The following RIMBP2 variants were observed in gnomAD, a reference collection of about 807,000 sequenced individuals.
The protein encoded by RIMBP2 is RIMS-binding protein 2.
A neutral mutation model predicts 118.6 loss-of-function variants in RIMBP2; 48 were observed. The ratio of observed to expected loss-of-function variants is 0.40; its 90% CI spans 0.32 to 0.51. The LOEUF (loss-of-function observed/expected upper bound fraction) is 0.51. Ranked by LOEUF, RIMBP2 falls within the 20% of genes least tolerant of loss-of-function variation. The pLI is 0.41. For missense variants in RIMBP2, 1,551 were observed against 1,768.3 expected, an observed-to-expected ratio of 0.88 and a Z score of 2.20; for synonymous variants, 762 against 742.9, an observed-to-expected ratio of 1.03 and a Z score of -0.42.
intron 4 of RIMBP2, among the ~76,000 whole-genome samples, chr12:130,493,430 T>C (rs2048833876): frequency 6.6e-6 from 1 of 152,098 alleles, no homozygotes; most frequent in Admixed American, 6.5e-5. Flanking sequence ...TTCTCATGCT[T>C]CAGCTTCCTG....
rs1466404450 is a variant in RIMBP2, at chr12:130,447,034, G to T, written c.582-1765C>A. 5.9e-5 allele frequency among the ~76,000 whole-genome samples: 9 copies of T among 151,764 alleles called. No homozygotes were observed. Among genetic ancestry groups the T allele is most frequent in the Non-Finnish European group, 8.8e-5 (6 of 67,940 alleles). On this transcript the variant is annotated intron_variant, in intron 9 of 22. Transcript: ENST00000690449. The surrounding 1 kb of genome is among the most constrained non-coding windows in gnomAD (Gnocchi z 4.4). ...GGGATCTGCAGGGGGGTCTGGATGGGTAGATGGCCGAGACACAGAAGCTGG... is the reference window on the plus strand; with the variant it reads ...GGGATCTGCAGGGGGGTCTGGATGGTTAGATGGCCGAGACACAGAAGCTGG...
At chr12:130,515,944 C>T (rs1487989890) in intron 3 of RIMBP2, among the ~76,000 whole-genome samples, 1 of 152,208 alleles carries the variant, frequency 6.6e-6, no homozygotes, top group Non-Finnish European at 1.5e-5. Flanking sequence ...GTGATCCACT[C>T]ACCTCAGCCT....
At chr12:130,435,050 C>CTTTTTTTTTTTTTTTT (rs375104659) in intron 13 of RIMBP2, among the ~76,000 whole-genome samples, 170 bp from the exon 14 acceptor site, 48 of 144,470 alleles carry the variant, frequency 3.3e-4, no homozygotes, top group African/African-American at 1.1e-3. Flanking sequence ...CCACCAGAAT[C>CTTTTTTTTTTTTTTTT]TTTTTTTTTT....
intron 6 of RIMBP2, among the ~76,000 whole-genome samples, chr12:130,457,446 C>T (rs1376820652): frequency 1.3e-5 from 2 of 152,202 alleles, no homozygotes; most frequent in Non-Finnish European, 2.9e-5. Flanking sequence ...CATCTCTGAC[C>T]CTTGTGGGCT....
intron 1 of RIMBP2, among the ~76,000 whole-genome samples, chr12:130,699,886 T>C (rs2065767227): frequency 8.0e-6 from 1 of 125,634 alleles, no homozygotes; most frequent in South Asian, 2.6e-4. Flanking sequence ...GCCTGGGTGA[T>C]GGTGTGAGAC....
At chr12:130,529,048 A>C (rs147123788) in intron 2 of RIMBP2, among the ~76,000 whole-genome samples, 1 of 152,202 alleles carries the variant, frequency 6.6e-6, no homozygotes, top group Non-Finnish European at 1.5e-5. Flanking sequence ...AAACAACCCA[A>C]GTGTCGATTG....
chr12:130,494,463 A>AC (rs1480498208), intron 4 of RIMBP2, among the ~76,000 whole-genome samples: 35 of 151,866 alleles, frequency 2.3e-4, no homozygotes, highest in Admixed American at 2.2e-3. Context: ...ACATGCTGAA[A>AC]CCCCGTCTCT....
chr12:130,645,294 C>A lies in RIMBP2; in HGVS notation c.-351-16838G>T, dbSNP rs1383128090. Among the ~76,000 whole-genome samples the A allele has an allele frequency of 4.6e-5, 7 of 152,244 alleles. No homozygotes were observed. The East Asian group carries it at 1.4e-3, about 29-fold the overall frequency. ...TTTAATAGAGACGGGTTTCACCATG[C>A]TGGCCAGGCTGCTCTCTACAAATCA... On this transcript the variant is annotated intron_variant, in intron 1 of 22. Coordinates refer to ENST00000690449, the MANE Select transcript of RIMBP2 (RefSeq NM_001393629.1).
rs2062977202 is a variant in RIMBP2, at chr12:130,646,455, C to CCTCAT, written c.-351-18000_-351-17999insATGAG. The stretch of plus-strand genomic sequence containing the variant: ...TCCACCTCCCTTGCCACCTCCCTCG[C>CCTCAT]CACCTCCCTCGCTACCTCCCTCACT... On this transcript the variant is annotated intron_variant, in intron 1 of 22. Transcript: ENST00000690449. 2.1e-5 allele frequency among the ~76,000 whole-genome samples: 3 copies of CCTCAT among 145,284 alleles called. 1 individual carries two copies. Among genetic ancestry groups the CCTCAT allele is most frequent in the Non-Finnish European group, 3.1e-5 (2 of 65,130 alleles).
rs750883044 is a variant in RIMBP2, at chr12:130,442,472, T to C, written c.880A>G (p.Ile294Val). 2 of 1,614,200 alleles carry C rather than the reference T, an allele frequency of 1.2e-6. No individual in the cohort carries two copies. The highest frequency in any genetic ancestry group is 8.5e-7 in the Non-Finnish European group (1 of 1,180,034). The stretch of plus-strand genomic sequence containing the variant: ...AGGGTCCCGGCACTGTTGTCGGTGA[T>C]GCCCGCATCTATGTGGGTTGGGGAG... ...LHSPTHIDAG[I>V]TDNSAGTLDV... Residue 294 changes from isoleucine (I) to valine (V), a missense_variant, in exon 11 of 23, where the codon ATC becomes GTC. Ile to Val is a conservative substitution (Grantham distance 29). Transcript: ENST00000690449. This position sits in a 1 kb window ranked among gnomAD's most constrained non-coding sequence, Gnocchi z 6.9.
intron 1 of RIMBP2, among the ~76,000 whole-genome samples, chr12:130,714,092 T>C (rs1430069002): frequency 6.6e-6 from 1 of 152,078 alleles, no homozygotes; most frequent in African/African-American, 2.4e-5. Context: ...GAATCGCTGC[T>C]CCAATTAAAA....
Position 130,504,652 on chromosome 12 carries a change from C to T in RIMBP2, c.-4+1996G>A, listed in dbSNP as rs570118599. Among the ~76,000 whole-genome samples the T allele has an allele frequency of 1.8e-3, 270 of 152,144 alleles. 3 individuals carry two copies. The highest frequency in any genetic ancestry group is 3.1e-3 in the South Asian group (15 of 4,804). Reference sequence around the variant, plus strand: ...GAGGCTCATCTCAGACTTCTGACCCCCAGAACTGTAAGAGAATATGACTAC... The same window carrying T: ...GAGGCTCATCTCAGACTTCTGACCCTCAGAACTGTAAGAGAATATGACTAC... On this transcript the variant is annotated intron_variant, in intron 4 of 22. Coordinates refer to ENST00000690449, the MANE Select transcript of RIMBP2 (RefSeq NM_001393629.1).
intron 6 of RIMBP2, among the ~76,000 whole-genome samples, chr12:130,460,870 C>G (rs910207984): frequency 6.6e-6 from 1 of 152,130 alleles, no homozygotes; most frequent in Non-Finnish European, 1.5e-5. Flanking sequence ...CCTTGAGCCC[C>G]GTCCCACAGT....
rs191050456 is a variant in RIMBP2, at chr12:130,399,216, T to C, written c.3900+463A>G. ...AAAATATATATATAAAAATATAATA[T>C]AGAAAAACTTGCAGTGATGAAATAA... On this transcript the variant is annotated intron_variant, in intron 22 of 22. Coordinates refer to ENST00000690449, the MANE Select transcript of RIMBP2 (RefSeq NM_001393629.1). 2,087 of 1,029,210 alleles carry C rather than the reference T, an allele frequency of 2.0e-3. 5 individuals carry two copies. The highest frequency in any genetic ancestry group is 2.5e-3 in the Non-Finnish European group (1,926 of 784,842). The allele number at this position is 1,029,210 out of a possible 1,614,324, so 63.8% of individuals were successfully genotyped here. A position where few individuals can be genotyped will look rare whatever the true frequency, so the allele number is the denominator to read the frequency against.
chr12:130,714,070 A>G (rs1414533061), intron 1 of RIMBP2, among the ~76,000 whole-genome samples: 1 of 152,170 alleles, frequency 6.6e-6, no homozygotes, highest in Non-Finnish European at 1.5e-5. Flanking sequence ...GCCAGCGCTC[A>G]CCAACGTGTG....
chr12:130,510,840 C>A (rs2050840852), intron 3 of RIMBP2, among the ~76,000 whole-genome samples: 1 of 152,086 alleles, frequency 6.6e-6, no homozygotes, highest in Non-Finnish European at 1.5e-5. Context: ...TTAAAATTCC[C>A]CATAGTGTCA....
At chr12:130,650,352 C>T (rs2063179985) in intron 1 of RIMBP2, among the ~76,000 whole-genome samples, 1 of 152,256 alleles carries the variant, frequency 6.6e-6, no homozygotes, top group Non-Finnish European at 1.5e-5. Context: ...CAGCCTGGGG[C>T]TCTAAATAGA....
At chr12:130,699,869 C>A (rs1316636642) in intron 1 of RIMBP2, among the ~76,000 whole-genome samples, 1 of 137,940 alleles carries the variant, frequency 7.2e-6, no homozygotes, top group Non-Finnish European at 1.5e-5. Context: ...CATGCCTCTG[C>A]ACTCCAGCCT....
At chr12:130,554,325 C>T (rs546153428) in intron 2 of RIMBP2, among the ~76,000 whole-genome samples, 3 of 152,176 alleles carry the variant, frequency 2.0e-5, no homozygotes, top group Non-Finnish European at 4.4e-5. Context: ...GCTAAAGTAC[C>T]TAGCACACAG....
Sources: gnomAD v4.1 joint callset for allele counts (sites outside exome capture counted in the v4.1 genomes callset) on GRCh38, gnomAD v4.1.1 for gene constraint, Gnocchi (gnomAD v3.1) non-coding constraint, MANE v1.5 for transcripts, NCBI Gene and HGNC (gene_info 2026-07-23, HGNC 2026-07-21) for gene names.